KIAA1671: variants seen among roughly 807,000 people sequenced by gnomAD.
KIAA1671 encodes uncharacterized protein KIAA1671.
In KIAA1671, 52 loss-of-function variants were observed where a neutral mutation model predicts 131.2. That is an observed-to-expected ratio of 0.40 (90% CI 0.32 to 0.50). The LOEUF (loss-of-function observed/expected upper bound fraction) is 0.50, where lower values mean the gene tolerates loss of function less well. Ranked by LOEUF, KIAA1671 falls within the 20% of genes least tolerant of loss-of-function variation. KIAA1671 has a pLI of 0.73. For synonymous variants in KIAA1671, 1,003 were observed against 961.6 expected, an observed-to-expected ratio of 1.04 and a Z score of -0.80; for missense variants, 2,360 against 2,364.2, an observed-to-expected ratio of 1.00 and a Z score of 0.04.
chr22:25,128,541 G>C (rs917376620), intron 6 of KIAA1671, among the ~76,000 whole-genome samples: 1 of 152,166 alleles, frequency 6.6e-6, no homozygotes, highest in African/African-American at 2.4e-5. Flanking sequence ...GACTACAGAA[G>C]ACTGTGGGTC....
chr22:25,134,717 T>G lies in KIAA1671; in HGVS notation c.4531-36103T>G, dbSNP rs550233588. On this transcript the variant is annotated intron_variant, in intron 6 of 12. Transcript: ENST00000358431. ...TAGCCATGCTGCCGCTCTGCAGCTT[T>G]GCAAAGCTGGGAGGCCTAGTGGTTT... Among the ~76,000 whole-genome samples the G allele has an allele frequency of 2.0e-5, 3 of 152,264 alleles. No homozygotes were observed. The East Asian group carries it at 5.8e-4, about 29-fold the overall frequency.
chr22:25,028,513 T>C lies in KIAA1671; in HGVS notation c.514T>C (p.Ser172Pro). ...GGCGGAGGAGGCCAAGCTAGGTGTG[T>C]CCGGCTCCCGGCCTGAGGTGGCTGC... The part of the protein sequence containing the change: ...EGAEEAKLGV[S>P]GSRPEVAAKP... Residue 172 changes from serine to proline, a missense_variant, in exon 3 of 13, where the codon TCC (serine) becomes CCC (proline). Ser to Pro is a moderately conservative substitution (Grantham distance 74). Transcript: ENST00000358431. 1.3e-6 allele frequency: 2 copies of C among 1,549,320 alleles called. No individual in the cohort carries two copies. The highest frequency in any genetic ancestry group is 1.2e-5 in the South Asian group (1 of 83,780).
chr22:25,037,195 T>C (rs953082580), intron 4 of KIAA1671, among the ~76,000 whole-genome samples: 5 of 151,902 alleles, frequency 3.3e-5, no homozygotes, highest in Admixed American at 6.6e-5. Context: ...TAGTGATGCA[T>C]GCCTGCACTT....
chr22:25,130,192 A>G (rs1174736275), intron 6 of KIAA1671, among the ~76,000 whole-genome samples: 1 of 152,254 alleles, frequency 6.6e-6, no homozygotes, highest in African/African-American at 2.4e-5. Flanking sequence ...TTTTGGAGGT[A>G]TGATTTACAT....
chr22:25,139,948 G>A (rs932952543), intron 6 of KIAA1671, among the ~76,000 whole-genome samples: 3 of 152,234 alleles, frequency 2.0e-5, no homozygotes, highest in African/African-American at 7.2e-5. Flanking sequence ...AGTGAGTGAA[G>A]CTGAGAAGTG....
intron 1 of KIAA1671, among the ~76,000 whole-genome samples, chr22:24,955,751 C>T (rs1406292730): frequency 5.3e-5 from 8 of 152,060 alleles, no homozygotes; most frequent in East Asian, 1.9e-4. Context: ...AGAGGCCAGG[C>T]GCGGTGGCTC....
chr22:25,027,097 GTTTCTC>G (rs1462519322), intron 2 of KIAA1671, among the ~76,000 whole-genome samples: 2 of 152,160 alleles, frequency 1.3e-5, no homozygotes, highest in Non-Finnish European at 2.9e-5. Flanking sequence ...ACTGTTGGGC[GTTTCTC>G]TTTCTATTAA....
intron 6 of KIAA1671, 200 bp downstream of exon 6, chr22:25,049,564 G>T: frequency 1.8e-6 from 1 of 557,288 alleles, no homozygotes; most frequent in Non-Finnish European, 3.1e-6. Context: ...TGGCTCTGCT[G>T]GGGAAACCTT....
At chr22:25,168,961 C>T (rs902217325) in intron 6 of KIAA1671, among the ~76,000 whole-genome samples, 3 of 152,056 alleles carry the variant, frequency 2.0e-5, no homozygotes, top group Admixed American at 6.5e-5. Context: ...TAGGGAACCC[C>T]GGAAGGTTTT....
At chr22:25,150,718 G>A (rs1010673491) in intron 6 of KIAA1671, among the ~76,000 whole-genome samples, 4 of 152,152 alleles carry the variant, frequency 2.6e-5, no homozygotes, top group Non-Finnish European at 4.4e-5. Flanking sequence ...CTCTCATGGC[G>A]GTGGGGAGAA....
chr22:25,087,531 C>T (rs1327012102), intron 6 of KIAA1671, among the ~76,000 whole-genome samples: 6 of 152,158 alleles, frequency 3.9e-5, no homozygotes, highest in South Asian at 2.1e-4. Flanking sequence ...TGCAGTGAGA[C>T]GAGATCACGC....
intron 6 of KIAA1671, among the ~76,000 whole-genome samples, chr22:25,100,300 C>T (rs1226768561): frequency 6.6e-6 from 1 of 152,124 alleles, no homozygotes; most frequent in East Asian, 1.9e-4. Context: ...GGAGGGGGTC[C>T]CCAAAGCCAT....
chr22:25,137,802 G>C (rs996590826), intron 6 of KIAA1671, among the ~76,000 whole-genome samples: 4 of 152,206 alleles, frequency 2.6e-5, no homozygotes, highest in Admixed American at 6.5e-5. Flanking sequence ...GCCAGTACCT[G>C]CCTGCAGCTG....
intron 11 of KIAA1671, among the ~76,000 whole-genome samples, chr22:25,187,230 C>T (rs980106473): frequency 3.9e-5 from 6 of 152,172 alleles, no homozygotes; most frequent in African/African-American, 1.4e-4. Flanking sequence ...GTCCTGTGTG[C>T]ATGTGTGTTT....
intron 7 of KIAA1671, among the ~76,000 whole-genome samples, chr22:25,173,806 C>T (rs557814200): frequency 2.6e-5 from 4 of 152,286 alleles, no homozygotes; most frequent in Admixed American, 1.3e-4. Flanking sequence ...AAGTTATTAG[C>T]GAGGCAGTTT....
intron 6 of KIAA1671, among the ~76,000 whole-genome samples, chr22:25,145,189 G>A (rs1381700353): frequency 2.6e-5 from 4 of 152,142 alleles, no homozygotes; most frequent in Non-Finnish European, 5.9e-5. Context: ...ACCATCTCTC[G>A]CCTGTCAACA....
intron 4 of KIAA1671, among the ~76,000 whole-genome samples, chr22:25,036,930 A>G (rs2145800704): frequency 6.6e-6 from 1 of 152,186 alleles, no homozygotes; most frequent in Admixed American, 6.5e-5. Flanking sequence ...ATCTCAAAAA[A>G]TAAAAATAAA....
chr22:25,117,585 CCACACACACACACACACA>C (rs4049524), intron 6 of KIAA1671, among the ~76,000 whole-genome samples: 104 of 123,894 alleles, frequency 8.4e-4, no homozygotes, highest in African/African-American at 2.3e-3. Context: ...TCTCCCCCAA[CCACACACACACACACACA>C]CACACACACA....
intron 1 of KIAA1671, among the ~76,000 whole-genome samples, chr22:25,025,348 G>C (rs1194436995): frequency 6.6e-6 from 1 of 152,134 alleles, no homozygotes; most frequent in Non-Finnish European, 1.5e-5. Context: ...ACTGTGAGTT[G>C]CATGGTTGCA....
Sources: gnomAD v4.1 joint callset for allele counts (sites outside exome capture counted in the v4.1 genomes callset) on GRCh38, gnomAD v4.1.1 for gene constraint, MANE v1.5 for transcripts, NCBI Gene and HGNC (gene_info 2026-07-23, HGNC 2026-07-21) for gene names.